The following AP2B1 variants were observed in gnomAD, a reference collection of about 807,000 sequenced individuals.
AP2B1 encodes AP-2 complex subunit beta.
AP2B1 carries 23 observed loss-of-function variants against 102.0 expected under a neutral mutation model. That is an observed-to-expected ratio of 0.23 (90% CI 0.16 to 0.32). The LOEUF is 0.32. Among genes scored for constraint, AP2B1 ranks in the 10% least tolerant of loss-of-function variants. AP2B1 has a pLI of 1.00. For synonymous variants in AP2B1, 381 were observed against 421.2 expected, an observed-to-expected ratio of 0.90 and a Z score of 1.17; for missense variants, 541 against 1,157.4, an observed-to-expected ratio of 0.47 and a Z score of 7.73.
At chr17:35,674,358 A>G in intron 17 of AP2B1, 37 bp downstream of exon 17, 1 of 1,611,232 alleles carries the variant, frequency 6.2e-7, no homozygotes, top group Non-Finnish European at 8.5e-7. Context: ...TGTTGAGACA[A>G]CAGTTTGCCT....
chr17:35,647,006 T>C (rs558067643), intron 12 of AP2B1, among the ~76,000 whole-genome samples: 1 of 152,340 alleles, frequency 6.6e-6, no homozygotes, highest in Non-Finnish European at 1.5e-5. Flanking sequence ...ATGAGTATAT[T>C]ATTAAACTAT....
At chr17:35,648,177 T>A (rs984696711) in intron 12 of AP2B1, among the ~76,000 whole-genome samples, 9 of 152,136 alleles carry the variant, frequency 5.9e-5, no homozygotes, top group African/African-American at 2.2e-4. Context: ...TTGAGGTAGG[T>A]ACCAGGATAT....
chr17:35,604,748 ACT>A (rs1429385773), intron 3 of AP2B1, among the ~76,000 whole-genome samples: 2 of 151,918 alleles, frequency 1.3e-5, no homozygotes, highest in East Asian at 1.9e-4. Context: ...ACAGAGTGAG[ACT>A]CTGTCTCAAA....
At position 35,723,827 on chromosome 17, in the gene AP2B1, C is replaced by T; in HGVS notation, c.*128C>T. On this transcript the variant is annotated 3_prime_UTR_variant, in exon 22 of 22. Coordinates refer to ENST00000610402, the MANE Select transcript of AP2B1 (RefSeq NM_001030006.2). ...GCCACCTAGCAAGGTAGTAACTAGT[C>T]TAACCTGTGCTAACATTAGGGCACA... The T allele has an allele frequency of 1.5e-6, 1 of 646,698 alleles. No individual in the cohort carries two copies. The highest frequency in any genetic ancestry group is 2.8e-6 in the Non-Finnish European group (1 of 357,172). The allele number at this position is 646,698 out of a possible 1,614,324, so 40.1% of individuals were successfully genotyped here.
At chr17:35,675,846 A>G (rs1055582902) in intron 17 of AP2B1, among the ~76,000 whole-genome samples, 1 of 151,870 alleles carries the variant, frequency 6.6e-6, no homozygotes, top group African/African-American at 2.4e-5. Context: ...AAAATCATCA[A>G]ATTCTTTTAT....
chr17:35,597,261 A>T, intron 2 of AP2B1: 1 of 337,396 alleles, frequency 3.0e-6, no homozygotes, highest in Non-Finnish European at 5.5e-6. Flanking sequence ...GAAAGTTGAG[A>T]TGGGAGTAGT....
intron 9 of AP2B1, among the ~76,000 whole-genome samples, chr17:35,628,809 A>G (rs2074385280): frequency 6.6e-6 from 1 of 152,210 alleles, no homozygotes; most frequent in Non-Finnish European, 1.5e-5. Context: ...GTAGATTGAA[A>G]TAATATGCCT....
chr17:35,674,346 G>T, intron 17 of AP2B1, 25 bp downstream of exon 17: 9 of 1,612,804 alleles, frequency 5.6e-6, no homozygotes, highest in Non-Finnish European at 7.6e-6. Flanking sequence ...TCCCTAGCTT[G>T]ATGTTGAGAC....
chr17:35,671,870 G>A lies in AP2B1; in HGVS notation c.2148G>A (p.Met716Ile). ...TTGAACTCTCCACAGGGATAGGCAT[G>A]GCACCTGGTGGATATGTGGCTCCTA... ...DLFELSTGIG[M>I]APGGYVAPKA... Residue 716 changes from methionine to isoleucine, a missense_variant, in exon 16 of 22, where the codon ATG (methionine) becomes ATA (isoleucine). This residue lies in a region of AP2B1 where 62 missense variants were observed against 87.6 expected (regional missense o/e 0.71). Transcript: ENST00000610402. 6.2e-7 allele frequency: 1 copy of A among 1,614,102 alleles called. No individual in the cohort carries two copies. The highest frequency in any genetic ancestry group is 8.5e-7 in the Non-Finnish European group (1 of 1,180,004).
At chr17:35,705,523 ATTTTTT>A (rs772976486) in intron 18 of AP2B1, among the ~76,000 whole-genome samples, 1 of 147,408 alleles carries the variant, frequency 6.8e-6, no homozygotes, top group African/African-American at 2.5e-5. Context: ...GCAGAGTGAA[ATTTTTT>A]TTTTTTATTT....
intron 10 of AP2B1, 140 bp from the exon 11 acceptor site, chr17:35,639,455 A>C: frequency 3.3e-6 from 2 of 604,028 alleles, no homozygotes; most frequent in Non-Finnish European, 5.5e-6. Flanking sequence ...CTTAAAACCT[A>C]TTCATTCTCT....
chr17:35,636,748 T>C (rs1295410283), intron 10 of AP2B1, among the ~76,000 whole-genome samples: 1 of 152,224 alleles, frequency 6.6e-6, no homozygotes, highest in African/African-American at 2.4e-5. Flanking sequence ...ATAGGACATC[T>C]ATATATTCTA....
chr17:35,615,918 G>T (rs905647791), intron 5 of AP2B1, among the ~76,000 whole-genome samples: 1 of 152,096 alleles, frequency 6.6e-6, no homozygotes, highest in African/African-American at 2.4e-5. Flanking sequence ...GTTTGGGTAA[G>T]TGGAATCATT....
chr17:35,649,264 T>G (rs969306613), intron 12 of AP2B1, among the ~76,000 whole-genome samples: 6 of 151,968 alleles, frequency 3.9e-5, no homozygotes, highest in Admixed American at 2.0e-4. Flanking sequence ...TTTAAAGCAG[T>G]TAAAAAAAAT....
At chr17:35,628,700 T>G (rs1488720065) in intron 9 of AP2B1, among the ~76,000 whole-genome samples, 2 of 152,234 alleles carry the variant, frequency 1.3e-5, no homozygotes, top group Non-Finnish European at 2.9e-5. Flanking sequence ...CTATCTGCTA[T>G]AAGAAGTTTA....
At chr17:35,671,662 T>G in intron 15 of AP2B1, 92 bp from the exon 16 acceptor site, 1 of 1,274,174 alleles carries the variant, frequency 7.8e-7, no homozygotes, top group Non-Finnish European at 1.1e-6. Flanking sequence ...TCTTATTGAT[T>G]TATCAAAACT....
At chr17:35,703,739 A>C (rs1286985231) in intron 18 of AP2B1, among the ~76,000 whole-genome samples, 1 of 152,184 alleles carries the variant, frequency 6.6e-6, no homozygotes, top group Non-Finnish European at 1.5e-5. Flanking sequence ...TACTAGGCTT[A>C]ATAGCTGGGT....
At chr17:35,644,608 C>T (rs911978568) in intron 12 of AP2B1, among the ~76,000 whole-genome samples, 3 of 150,908 alleles carry the variant, frequency 2.0e-5, no homozygotes, top group Non-Finnish European at 4.4e-5. Context: ...TGGTCTTGAA[C>T]TCCTGATCTA....
intron 5 of AP2B1, 25 bp from the exon 6 acceptor site, chr17:35,624,372 A>G (rs201990674): frequency 4.8e-4 from 766 of 1,611,108 alleles, no homozygotes; most frequent in Admixed American, 6.2e-4. Context: ...TTGGTGAATC[A>G]AGGTCATACC....
Sources: allele counts gnomAD v4.1 joint callset (sites outside exome capture counted in the v4.1 genomes callset), GRCh38; gene constraint gnomAD v4.1.1; regional missense constraint gnomAD v4.1.1; transcripts MANE v1.5; gene names NCBI Gene and HGNC (gene_info 2026-07-23, HGNC 2026-07-21).